The following TSHZ2 variants were observed in gnomAD, a reference collection of about 807,000 sequenced individuals.
The protein encoded by TSHZ2 is teashirt zinc finger homeobox 2, also known as teashirt homolog 2.
A neutral mutation model predicts 74.4 loss-of-function variants in TSHZ2; 21 were observed. That is an observed-to-expected ratio of 0.28 (90% CI 0.20 to 0.41). The LOEUF is 0.41. TSHZ2 is among the 10% of genes least tolerant of loss of function. The pLI is 1.00. For missense variants in TSHZ2, 1,244 were observed against 1,293.5 expected (o/e 0.96, Z 0.59); for synonymous variants, 540 against 515.3 (o/e 1.05, Z -0.65).
Position 53,063,999 on chromosome 20 carries a change from A to G in TSHZ2, c.40+90666A>G, listed in dbSNP as rs540473056. Among the ~76,000 whole-genome samples, 3 of 152,298 alleles carry G rather than the reference A, an allele frequency of 2.0e-5. No individual in the cohort carries two copies. The South Asian group carries it at 6.2e-4, about 32-fold the overall frequency. On this transcript the variant is annotated intron_variant, in intron 1 of 2. Transcript: ENST00000371497. ...TATATTTCTTAATAGCGATGCAGCA[A>G]ATTACTATATCTACATGGCAGGCAC...
At chr20:53,135,937 AG>A (rs1987235793) in intron 1 of TSHZ2, among the ~76,000 whole-genome samples, 2 of 152,202 alleles carry the variant, frequency 1.3e-5, no homozygotes, top group Non-Finnish European at 2.9e-5. Flanking sequence ...CTTCAGTTTT[AG>A]GTAGTGTATT....
At chr20:53,166,329 G>A (rs1037740057) in intron 1 of TSHZ2, among the ~76,000 whole-genome samples, 1 of 152,116 alleles carries the variant, frequency 6.6e-6, no homozygotes, top group Non-Finnish European at 1.5e-5. Flanking sequence ...TGAATAAGGC[G>A]AATTTGGGCT....
At position 53,247,320 on chromosome 20, in the gene TSHZ2, C is replaced by T. The variant is rs190521157; in HGVS notation, c.41-6179C>T. 3.0e-3 allele frequency among the ~76,000 whole-genome samples: 460 copies of T among 152,286 alleles called. 2 individuals carry two copies. Among genetic ancestry groups the T allele is most frequent in the Non-Finnish European group, 4.3e-3 (294 of 68,024 alleles). ...CCCTGGCCTGTGGTACCTGGATTCT[C>T]TGTAAATGAAGTCTGTGCTCAGGAA... is the stretch of plus-strand genomic sequence containing the variant. On this transcript the variant is annotated intron_variant, in intron 1 of 2. Coordinates refer to ENST00000371497, the MANE Select transcript of TSHZ2 (RefSeq NM_173485.6).
chr20:53,050,692 A>G lies in TSHZ2; in HGVS notation c.40+77359A>G, dbSNP rs553431560. On this transcript the variant is annotated intron_variant, in intron 1 of 2. Transcript: ENST00000371497. ...TCTAGGAAGGGTCTTTGATAAAGCA[A>G]CTGAATAAAGAGCTGAAGGTAGTAA... Among the ~76,000 whole-genome samples the G allele has an allele frequency of 9.2e-5, 14 of 152,332 alleles. No homozygotes were observed. In the South Asian group the frequency reaches 2.7e-3, roughly 29 times the overall value.
At chr20:53,093,643 T>C (rs141525490) in intron 1 of TSHZ2, among the ~76,000 whole-genome samples, 2 of 152,370 alleles carry the variant, frequency 1.3e-5, no homozygotes, top group African/African-American at 4.8e-5. Context: ...TGCTTAGATG[T>C]TACTTCCTCA....
chr20:53,337,998 G>A (rs544856124), intron 2 of TSHZ2, among the ~76,000 whole-genome samples: 4 of 152,288 alleles, frequency 2.6e-5, no homozygotes, highest in Admixed American at 2.6e-4. Context: ...TGGCCAGGCA[G>A]CATGAGACGT....
At chr20:53,108,112 G>A (rs930820931) in intron 1 of TSHZ2, among the ~76,000 whole-genome samples, 3 of 152,180 alleles carry the variant, frequency 2.0e-5, no homozygotes, top group Admixed American at 6.5e-5. Context: ...AGAAATTCTG[G>A]TGATGAGACC....
At position 53,002,522 on chromosome 20, in the gene TSHZ2, G is replaced by A. The variant is rs368388421; in HGVS notation, c.40+29189G>A. ...AGGTCATGGTCTGCCCCAAACCACAGCCTCCATTCTCTGGCTTGAAATCTT... is the reference window on the plus strand; with the variant it reads ...AGGTCATGGTCTGCCCCAAACCACAACCTCCATTCTCTGGCTTGAAATCTT... On this transcript the variant is annotated intron_variant, in intron 1 of 2. Coordinates refer to ENST00000371497, the MANE Select transcript of TSHZ2 (RefSeq NM_173485.6). 3.9e-5 allele frequency among the ~76,000 whole-genome samples: 6 copies of A among 151,990 alleles called. No homozygotes were observed. The East Asian group carries it at 1.2e-3, about 29-fold the overall frequency.
intron 2 of TSHZ2, among the ~76,000 whole-genome samples, chr20:53,352,786 AAAAAAAAAG>A: frequency 7.3e-6 from 1 of 136,458 alleles, no homozygotes; most frequent in African/African-American, 2.9e-5. Context: ...ACAAAAAAAA[AAAAAAAAAG>A]AAAGAAATAA....
chr20:53,066,552 C>A (rs1484708949), intron 1 of TSHZ2, among the ~76,000 whole-genome samples: 1 of 152,112 alleles, frequency 6.6e-6, no homozygotes, highest in Non-Finnish European at 1.5e-5. Context: ...CAGAGCCTAG[C>A]TCTGTCACCA....
intron 2 of TSHZ2, among the ~76,000 whole-genome samples, chr20:53,387,365 T>G (rs1400526035): frequency 6.6e-6 from 1 of 152,256 alleles, no homozygotes; most frequent in Non-Finnish European, 1.5e-5. Flanking sequence ...AGATCTGTTT[T>G]ATTTTCCCTT....
intron 1 of TSHZ2, among the ~76,000 whole-genome samples, chr20:53,001,562 T>C (rs1982442569): frequency 6.6e-6 from 1 of 152,152 alleles, no homozygotes; most frequent in Non-Finnish European, 1.5e-5. Flanking sequence ...TTTCTCACCA[T>C]TGCTAGCTTT....
intron 2 of TSHZ2, among the ~76,000 whole-genome samples, chr20:53,448,356 C>A (rs1328059958): frequency 1.3e-5 from 2 of 152,144 alleles, no homozygotes; most frequent in African/African-American, 4.8e-5. Context: ...GTCACTTAGG[C>A]AATCATGATG....
In TSHZ2 at chr20:52,978,323, A is replaced by G. The variant is rs79843533; in HGVS notation, c.40+4990A>G. On this transcript the variant is annotated intron_variant, in intron 1 of 2. Coordinates refer to ENST00000371497, the MANE Select transcript of TSHZ2 (RefSeq NM_173485.6). ...GCAGCTGAGCTTATCAAGTCAACCA[A>G]GAAGAAAACCTAGGCCCTGGTCACG... 9.3e-3 allele frequency among the ~76,000 whole-genome samples: 1,413 copies of G among 152,272 alleles called. 26 individuals carry two copies. The highest frequency in any genetic ancestry group is 0.032 in the African/African-American group (1,338 of 41,548).
At chr20:53,377,002 T>C (rs921128049) in intron 2 of TSHZ2, among the ~76,000 whole-genome samples, 1 of 152,234 alleles carries the variant, frequency 6.6e-6, no homozygotes, top group Admixed American at 6.5e-5. Flanking sequence ...CCATCTCTCT[T>C]CTTCTATAGA....
At position 53,487,293 on chromosome 20, in the gene TSHZ2, A is replaced by T; in HGVS notation, c.*158A>T. ...CTGCCAAAAAAAAAAAAAAAAAAAA[A>T]TCACCCCAGCCATTTCTCTTCATCC... On this transcript the variant is annotated 3_prime_UTR_variant, in exon 3 of 3. Transcript: ENST00000371497. 6.8e-6 allele frequency: 1 copy of T among 146,480 alleles called. No homozygotes were observed. The highest frequency in any genetic ancestry group is 2.2e-4 in the South Asian group (1 of 4,534). The allele number at this position is 146,480 out of a possible 1,614,324, so 9.1% of individuals were successfully genotyped here. A position where few individuals can be genotyped will look rare whatever the true frequency, so the allele number is the denominator to read the frequency against.
chr20:53,387,452 T>C (rs1237805230), intron 2 of TSHZ2, among the ~76,000 whole-genome samples: 1 of 152,188 alleles, frequency 6.6e-6, no homozygotes, highest in Non-Finnish European at 1.5e-5. Context: ...AAGTAAAGGC[T>C]CGGGTACCTG....
At chr20:53,025,272 A>G (rs868257630) in intron 1 of TSHZ2, among the ~76,000 whole-genome samples, 24 of 152,196 alleles carry the variant, frequency 1.6e-4, no homozygotes, top group Non-Finnish European at 3.1e-4. Context: ...AGTAAGAGCA[A>G]ACATTTAATA....
chr20:53,048,195 G>T (rs551783188), intron 1 of TSHZ2, among the ~76,000 whole-genome samples: 3 of 152,112 alleles, frequency 2.0e-5, no homozygotes, highest in Non-Finnish European at 4.4e-5. Flanking sequence ...GGGTAGAGCC[G>T]ATCAAAGACA....
Sources: gnomAD v4.1 joint callset for allele counts (sites outside exome capture counted in the v4.1 genomes callset) on GRCh38, gnomAD v4.1.1 for gene constraint, MANE v1.5 for transcripts, NCBI Gene and HGNC (gene_info 2026-07-23, HGNC 2026-07-21) for gene names.